MED23: variants seen among roughly 807,000 people sequenced by gnomAD.
MED23 encodes the protein mediator complex subunit 23.
MED23 carries 105 observed loss-of-function variants against 163.9 expected under a neutral mutation model. The observed-to-expected ratio is 0.64, with a 90% CI of 0.55 to 0.75. The LOEUF (loss-of-function observed/expected upper bound fraction) is 0.75, where lower values mean the gene tolerates loss of function less well. MED23 is among the 30% of genes least tolerant of loss of function. MED23 has a pLI of 0.00. For missense variants in MED23, 1,054 were observed against 1,649.0 expected, an observed-to-expected ratio of 0.64 and a Z score of 6.25; for synonymous variants, 561 against 565.6, an observed-to-expected ratio of 0.99 and a Z score of 0.12.
intron 9 of MED23, among the ~76,000 whole-genome samples, chr6:131,617,733 C>A (rs1776795928): frequency 6.6e-6 from 1 of 152,124 alleles, no homozygotes; most frequent in Admixed American, 6.5e-5. Context: ...GTAAAAAGAG[C>A]AACTAGGCCC....
intron 2 of MED23, 46 bp from the exon 3 acceptor site, chr6:131,627,529 TA>T (rs1258365875): frequency 5.0e-6 from 8 of 1,592,370 alleles, no homozygotes; most frequent in Non-Finnish European, 6.9e-6. Flanking sequence ...TTTAAAAAGG[TA>T]ATTACACACA....
intron 27 of MED23, 136 bp downstream of exon 27, chr6:131,590,186 A>T (rs1774495872): frequency 3.9e-6 from 3 of 770,816 alleles, no homozygotes; most frequent in Middle Eastern, 3.5e-4. Context: ...AAGTCCTCTA[A>T]AATTGCTCTT....
At chr6:131,628,292 G>A (rs1052475108), upstream of MED23, 6 of 550,362 alleles carry the variant, frequency 1.1e-5, no homozygotes, top group Admixed American at 6.1e-5. Flanking sequence ...AACCAGCGGC[G>A]CCACCAGAAG....
Position 131,579,449 on chromosome 6 carries a change from A to C in MED23, c.4096-5154T>G, listed in dbSNP as rs761442848. ...TTTATAGGTTACTTTTATTATAGAA[A>C]CAGACTTCGCTCAATTTGAAGTCTT... On this transcript the variant is annotated intron_variant, in intron 30 of 30. Coordinates refer to the MED23 transcript ENST00000354577. The C allele has an allele frequency of 2.5e-4, 170 of 670,498 alleles. 1 individual carries two copies. The highest frequency in any genetic ancestry group is 3.8e-4 in the Non-Finnish European group (155 of 411,552). 41.5% of individuals were successfully genotyped at this position (670,498 alleles called of 1,614,324 possible).
intron 10 of MED23, among the ~76,000 whole-genome samples, chr6:131,612,494 G>T (rs868422327): frequency 6.6e-6 from 1 of 152,212 alleles, no homozygotes; most frequent in Middle Eastern, 3.4e-3. Flanking sequence ...ACTAGGCTAA[G>T]ATTATTTCAT....
At chr6:131,611,123 C>T (rs1331928965) in intron 10 of MED23, among the ~76,000 whole-genome samples, 1 of 152,028 alleles carries the variant, frequency 6.6e-6, no homozygotes, top group Admixed American at 6.6e-5. Context: ...GTTGGAAGCC[C>T]TTCTAGTGAA....
intron 30 of MED23, chr6:131,581,199 C>G: frequency 6.2e-7 from 1 of 1,613,520 alleles, no homozygotes; most frequent in Non-Finnish European, 8.5e-7. Context: ...GATGTTCACA[C>G]AAAATTTTTT....
intron 23 of MED23, among the ~76,000 whole-genome samples, 153 bp downstream of exon 23, chr6:131,593,946 A>G (rs1774846634): frequency 6.6e-6 from 1 of 152,210 alleles, no homozygotes; most frequent in Non-Finnish European, 1.5e-5. Flanking sequence ...TTAATTTAAG[A>G]TTTCAAATCT....
chr6:131,596,375 TGAA>T (rs764847608), intron 21 of MED23, 140 bp downstream of exon 21: 25 of 1,028,322 alleles, frequency 2.4e-5, no homozygotes, highest in Non-Finnish European at 3.7e-5. Context: ...TCTCAAACCT[TGAA>T]GAAGTTCAGA....
downstream of MED23, chr6:131,582,802 A>C (rs952914539): frequency 7.1e-6 from 8 of 1,128,816 alleles, no homozygotes; most frequent in African/African-American, 1.5e-5. Context: ...ATGAGAGAAA[A>C]TTAAACATCA....
intron 9 of MED23, among the ~76,000 whole-genome samples, chr6:131,617,684 GAC>G (rs1369435517): frequency 6.6e-6 from 1 of 152,110 alleles, no homozygotes; most frequent in Non-Finnish European, 1.5e-5. Context: ...GTTTTACAAA[GAC>G]ATTCTTATAG....
At chr6:131,625,031 C>T (rs952588982) in intron 3 of MED23, 42 bp from the exon 4 acceptor site, 10 of 1,601,844 alleles carry the variant, frequency 6.2e-6, no homozygotes, top group Non-Finnish European at 8.5e-6. Flanking sequence ...TCTAAAGTTA[C>T]ATTTTTATAA....
At chr6:131,608,564 A>G (rs1362805152) in intron 11 of MED23, among the ~76,000 whole-genome samples, 1 of 151,656 alleles carries the variant, frequency 6.6e-6, no homozygotes, top group East Asian at 1.9e-4. Context: ...TTGTTTATTT[A>G]TATGTATCTT....
chr6:131,594,101 T>C lies in MED23; in HGVS notation c.3230A>G (p.Asp1077Gly), dbSNP rs1774859711. The C allele has an allele frequency of 1.8e-5, 29 of 1,608,850 alleles. No individual in the cohort carries two copies. Among genetic ancestry groups the C allele is most frequent in the Non-Finnish European group, 2.2e-5 (26 of 1,175,534 alleles). ...TAAAATCACAATAAAAAGGATATTA[T>C]CGACTAGTCTGCCAATCAATCTGCA... ...YYCRLIGRLV[D>G]TMAGKSPGPF... Residue 1077 changes from aspartate to glycine, a missense_variant and splice_region_variant, in exon 23 of 29, where the codon GAT (aspartate) becomes GGT (glycine). Around this residue, in one of 11 missense-constraint regions of MED23, gnomAD observed 362 missense variants for 471.6 expected, o/e 0.77. Coordinates refer to ENST00000368068, the MANE Select transcript of MED23 (RefSeq NM_004830.4).
chr6:131,613,319 T>C (rs1346882699), intron 10 of MED23, among the ~76,000 whole-genome samples: 1 of 152,192 alleles, frequency 6.6e-6, no homozygotes, highest in African/African-American at 2.4e-5. Context: ...ACGCTCCACC[T>C]TGCAGGTCAT....
At chr6:131,604,504 T>C (rs560022498) in intron 14 of MED23, among the ~76,000 whole-genome samples, 184 bp from the exon 15 acceptor site, 1 of 152,272 alleles carries the variant, frequency 6.6e-6, no homozygotes, top group Admixed American at 6.5e-5. Flanking sequence ...CTGAGACTCA[T>C]TCCGTTTCTG....
chr6:131,621,518 C>G (rs907593065), intron 6 of MED23, among the ~76,000 whole-genome samples: 1 of 151,918 alleles, frequency 6.6e-6, no homozygotes, highest in African/African-American at 2.4e-5. Context: ...TAGTAAATAA[C>G]CTTGCACATG....
intron 17 of MED23, among the ~76,000 whole-genome samples, chr6:131,601,833 A>G (rs949671460): frequency 6.6e-6 from 1 of 151,966 alleles, no homozygotes; most frequent in Non-Finnish European, 1.5e-5. Flanking sequence ...CTATTTAAAA[A>G]CAAATTAATA....
At chr6:131,605,936 T>A (rs1335308382) in intron 13 of MED23, among the ~76,000 whole-genome samples, 1 of 152,064 alleles carries the variant, frequency 6.6e-6, no homozygotes, top group Admixed American at 6.5e-5. Context: ...TGAAGAGAAG[T>A]GGCAGTCCTT....
Sources: allele counts gnomAD v4.1 joint callset (sites outside exome capture counted in the v4.1 genomes callset), GRCh38; gene constraint gnomAD v4.1.1; regional missense constraint gnomAD v4.1.1; transcripts MANE v1.5; gene names NCBI Gene and HGNC (gene_info 2026-07-23, HGNC 2026-07-21).